Variants in MUC3A observed in about 807,000 individuals in gnomAD.
MUC3A encodes the protein mucin-3A.
In MUC3A, 109 loss-of-function variants were observed where a neutral mutation model predicts 109.0. The observed-to-expected ratio is 1.00, with a 90% CI of 0.86 to 1.17. The LOEUF is 1.17. MUC3A is among the 50% of genes most tolerant of loss of function. The pLI, the probability that MUC3A is intolerant of heterozygous loss-of-function variation, is 0.00. For missense variants in MUC3A, 3,537 were observed against 2,469.4 expected, an observed-to-expected ratio of 1.43 and a Z score of -9.16; for synonymous variants, 1,398 against 981.4, an observed-to-expected ratio of 1.42 and a Z score of -7.93.
In MUC3A at chr7:100,952,554, A is replaced by G. The variant is rs1400659924; in HGVS notation, c.775A>G (p.Ile259Val). The change falls in exon 2 of 12, where the codon ATC (isoleucine) becomes GTC (valine). Residue 259 changes from isoleucine to valine, a missense_variant. Physicochemically the swap from Ile to Val is conservative, Grantham distance 29 (BLOSUM62 3). Coordinates refer to ENST00000379458, the MANE Select transcript of MUC3A (RefSeq NM_005960.2). ...LKTAVTSTSP[I>V]TSSITSTNTV... Reference sequence around the variant, plus strand: ...AACAGCAGTGACTTCCACTTCCCCCATCACTTCTTCAATCACTTCCACAAA... The same window carrying G: ...AACAGCAGTGACTTCCACTTCCCCCGTCACTTCTTCAATCACTTCCACAAA... The G allele has an allele frequency of 3.8e-6, 6 of 1,598,448 alleles. No individual in the cohort carries two copies. The highest frequency in any genetic ancestry group is 5.1e-6 in the Non-Finnish European group (6 of 1,179,742).
At position 100,960,125 on chromosome 7, in the gene MUC3A, C is replaced by G; in HGVS notation, c.8346C>G (p.Pro2782=). The change falls in exon 2 of 12, where the codon CCC becomes CCG. Residue 2782 remains proline, a synonymous_variant. Coordinates refer to ENST00000379458, the MANE Select transcript of MUC3A (RefSeq NM_005960.2). ...CAATTACCATAGTCCCTGCCTCCCC[C>G]ACTGATCCATGTGTTGAAATGGATC... is the stretch of plus-strand genomic sequence containing the variant. ...TITITIVPAS[P]TDPCVEMDPS... is the part of the protein sequence containing the mutation. 7.1e-6 allele frequency: 11 copies of G among 1,546,536 alleles called. No homozygotes were observed. In the South Asian group the frequency reaches 1.4e-4, roughly 19 times the overall value.
rs1792085239 is a variant in MUC3A, at chr7:100,955,958, C to T, written c.4179C>T (p.Pro1393=). 5.6e-6 allele frequency: 3 copies of T among 534,598 alleles called. No individual in the cohort carries two copies. The highest frequency in any genetic ancestry group is 6.6e-6 in the Non-Finnish European group (2 of 301,464). 33.1% of individuals were successfully genotyped at this position (534,598 alleles called of 1,614,324 possible). A position where few individuals can be genotyped will look rare whatever the true frequency, so the allele number is the denominator to read the frequency against. Reference sequence around the variant, plus strand: ...CCCCCATCACTTCTTCAATCACTCCCACCGATACAATGACTTCTATGAGAA... The same window carrying T: ...CCCCCATCACTTCTTCAATCACTCCTACCGATACAATGACTTCTATGAGAA... ...STPPITSSIT[P]TDTMTSMRTT... is the part of the protein sequence containing the mutation. The change falls in exon 2 of 12, where the codon CCC becomes CCT. Residue 1393 remains proline (P), a synonymous_variant. Transcript: ENST00000379458.
chr7:100,965,593 C>G, intron 7 of MUC3A, 111 bp from the exon 8 acceptor site: 2 of 1,513,650 alleles, frequency 1.3e-6, no homozygotes, highest in Non-Finnish European at 1.8e-6. Flanking sequence ...CCACAGCATC[C>G]CACCTCGGAA....
rs968687622 is a variant in MUC3A at position 100,965,835 on chromosome 7, T to C, written c.9580T>C (p.Cys3194Arg). The C allele has an allele frequency of 1.3e-6, 2 of 1,597,040 alleles. No homozygotes were observed. Among genetic ancestry groups the C allele is most frequent in the Non-Finnish European group, 1.7e-6 (2 of 1,178,832 alleles). The change falls in exon 8 of 12, where the codon TGC becomes CGC. Residue 3194 changes from cysteine to arginine, a missense_variant. By Grantham distance (180) the Cys-to-Arg change is radical. Coordinates refer to ENST00000379458, the MANE Select transcript of MUC3A (RefSeq NM_005960.2). Reference protein sequence around the residue: ...DNAIDCHQGQCVLETSGPTCR... With the variant: ...DNAIDCHQGQRVLETSGPTCR... ...CGCCATCGACTGTCACCAGGGCCAG[T>C]GCGTTCTGGAGACGAGCGGTCCCAC...
In MUC3A at chr7:100,956,439, G is replaced by T; in HGVS notation, c.4660G>T (p.Gly1554Cys). Residue 1554 changes from glycine (G) to cysteine (C), a missense_variant, in exon 2 of 12, where the codon GGT becomes TGT. Transcript: ENST00000379458. ...TAITSVPTTL[G>C]TMVTSTSMIP... is the part of the protein sequence containing the mutation. ...CATCACCTCAGTTCCCACTACCTTG[G>T]GTACCATGGTGACTTCTACATCCAT... The T allele has an allele frequency of 1.6e-6, 1 of 635,090 alleles. No homozygotes were observed. The highest frequency in any genetic ancestry group is 2.8e-6 in the Non-Finnish European group (1 of 356,828). 39.3% of individuals were successfully genotyped at this position (635,090 alleles called of 1,614,324 possible).
rs1299598339 is a variant in MUC3A, at chr7:100,957,269, C to A, written c.5490C>A (p.Asp1830Glu). The A allele has an allele frequency of 7.6e-6, 4 of 528,598 alleles. No individual in the cohort carries two copies. The highest frequency in any genetic ancestry group is 1.3e-5 in the Non-Finnish European group (4 of 302,956). 32.7% of individuals were successfully genotyped at this position (528,598 alleles called of 1,614,324 possible). ...TGGTGACCACATTCTCCAATTCCGA[C>A]ACCAGTTCTACACCTACATCTGAGA... is the stretch of plus-strand genomic sequence containing the variant. Reference protein sequence around the residue: ...STLVTTFSNSDTSSTPTSETT... With the variant: ...STLVTTFSNSETSSTPTSETT... The change falls in exon 2 of 12, where the codon GAC (aspartate) becomes GAA (glutamate). Residue 1830 changes from aspartate (D) to glutamate (E), a missense_variant. Physicochemically the swap from Asp to Glu is conservative, Grantham distance 45 (BLOSUM62 2). Coordinates refer to ENST00000379458, the MANE Select transcript of MUC3A (RefSeq NM_005960.2).
In MUC3A at chr7:100,954,047, A is replaced by C; in HGVS notation, c.2268A>C (p.Lys756Asn). The C allele has an allele frequency of 4.0e-6, 2 of 496,394 alleles. No individual in the cohort carries two copies. Among genetic ancestry groups the C allele is most frequent in the South Asian group, 4.6e-5 (1 of 21,858 alleles). 30.7% of individuals were successfully genotyped at this position (496,394 alleles called of 1,614,324 possible). The stretch of plus-strand genomic sequence containing the variant: ...TGGTCTCAACTGCAAAAACAGCCAA[A>C]ACTCCTACCACAAACTTGGTAACCA... Reference protein sequence around the residue: ...SPLVSTAKTAKTPTTNLVTTT... With the variant: ...SPLVSTAKTANTPTTNLVTTT... The change falls in exon 2 of 12, where the codon AAA (lysine) becomes AAC (asparagine). Residue 756 changes from lysine (K) to asparagine (N), a missense_variant. By Grantham distance (94) the Lys-to-Asn change is moderately conservative (BLOSUM62 0). Transcript: ENST00000379458.
intron 8 of MUC3A, 143 bp from the exon 9 acceptor site, chr7:100,966,243 A>AGGCCCGTCCGCTTG (rs1792545612): frequency 7.0e-6 from 6 of 860,684 alleles, no homozygotes; most frequent in Non-Finnish European, 9.2e-6. Flanking sequence ...TCTAGGGTGG[A>AGGCCCGTCCGCTTG]TTCCCAGCCC....
chr7:100,964,857 G>A lies in MUC3A; in HGVS notation c.9382+14G>A, dbSNP rs778100179. ...AGGACTCCCAGAGTGAGCCCAGGCT[G>A]GAGGGAGGGGCCAGGGCCTGAGGTG... On this transcript the variant is annotated intron_variant, in intron 6 of 11. Transcript: ENST00000379458. 5 of 1,592,706 alleles carry A rather than the reference G, an allele frequency of 3.1e-6. No individual in the cohort carries two copies. The South Asian group carries it at 3.3e-5, about 11-fold the overall frequency.
intron 5 of MUC3A, 33 bp from the exon 6 acceptor site, chr7:100,964,662 C>A (rs1397838921): frequency 6.3e-6 from 10 of 1,579,340 alleles, no homozygotes; most frequent in Non-Finnish European, 8.6e-6. Flanking sequence ...ATGTTCCTGG[C>A]TGGGGCACTC....
At position 100,959,120 on chromosome 7, in the gene MUC3A, C is replaced by T. The variant is rs756044064; in HGVS notation, c.7341C>T (p.Thr2447=). ...GTACTCCCAGCCTCAGTTCTTCAACCATCTACTCCACAGTCAGCACATCCA... is the reference window on the plus strand; with the variant it reads ...GTACTCCCAGCCTCAGTTCTTCAACTATCTACTCCACAGTCAGCACATCCA... ...SESTPSLSSS[T]IYSTVSTSTT... is the part of the protein sequence containing the mutation. The change falls in exon 2 of 12, where the codon ACC becomes ACT. Residue 2447 remains threonine, a synonymous_variant. Coordinates refer to ENST00000379458, the MANE Select transcript of MUC3A (RefSeq NM_005960.2). The T allele has an allele frequency of 6.3e-7, 1 of 1,586,870 alleles. No homozygotes were observed. The highest frequency in any genetic ancestry group is 1.1e-5 in the South Asian group (1 of 90,220).
intron 5 of MUC3A, chr7:100,964,099 G>T: frequency 2.1e-6 from 1 of 468,746 alleles, no homozygotes; most frequent in Non-Finnish European, 3.9e-6. Context: ...GGGAGAGAAC[G>T]CACGTCTAGG....
Position 100,955,268 on chromosome 7 carries a change from C to T in MUC3A, c.3489C>T (p.Val1163=). 1.3e-6 allele frequency: 1 copy of T among 764,666 alleles called. No individual in the cohort carries two copies. Among genetic ancestry groups the T allele is most frequent in the Non-Finnish European group, 2.4e-6 (1 of 417,746 alleles). 47.4% of individuals were successfully genotyped at this position (764,666 alleles called of 1,614,324 possible). ...SFTSSTIYST[V]STSTTAISSA... is the part of the protein sequence containing the mutation. ...CTTCTTCAACCATCTACTCCACAGT[C>T]AGCACATCCACAACTGCCATCTCCT... The change falls in exon 2 of 12, where the codon GTC becomes GTT. Residue 1163 remains valine (V), a synonymous_variant. Transcript: ENST00000379458.
rs749410668 is a variant in MUC3A, at chr7:100,958,953, C to G, written c.7174C>G (p.Leu2392Val). 4 of 1,229,944 alleles carry G rather than the reference C, an allele frequency of 3.3e-6. No individual in the cohort carries two copies. Among genetic ancestry groups the G allele is most frequent in the South Asian group, 1.8e-5 (1 of 55,548 alleles). The allele number at this position is 1,229,944 out of a possible 1,614,324, so 76.2% of individuals were successfully genotyped here. Residue 2392 changes from leucine (L) to valine (V), a missense_variant, in exon 2 of 12, where the codon CTC becomes GTC. Leu to Val is a conservative substitution (Grantham distance 32, BLOSUM62 1). Coordinates refer to ENST00000379458, the MANE Select transcript of MUC3A (RefSeq NM_005960.2). ...GACCCCCTTACACAGTACTCCTGGCCTCACTTCGTGGGTCACCACCACCAA... is the reference window on the plus strand; with the variant it reads ...GACCCCCTTACACAGTACTCCTGGCGTCACTTCGTGGGTCACCACCACCAA... ...TETPLHSTPG[L>V]TSWVTTTKTT... is the part of the protein sequence containing the mutation.
In MUC3A at chr7:100,959,646, A is replaced by G. The variant is rs773272432; in HGVS notation, c.7867A>G (p.Ile2623Val). Residue 2623 changes from isoleucine (I) to valine (V), a missense_variant, in exon 2 of 12, where the codon ATC becomes GTC. Coordinates refer to ENST00000379458, the MANE Select transcript of MUC3A (RefSeq NM_005960.2). ...TLTPSTALST[I>V]VSTSQVPIPS... is the part of the protein sequence containing the mutation. ...TACTCCATCAACAGCCTTGAGCACG[A>G]TCGTGTCAACATCACAGGTTCCTAT... is the stretch of plus-strand genomic sequence containing the variant. The G allele has an allele frequency of 6.3e-7, 1 of 1,598,528 alleles. No individual in the cohort carries two copies. Among genetic ancestry groups the G allele is most frequent in the South Asian group, 1.1e-5 (1 of 91,090 alleles).
chr7:100,965,797 C>G lies in MUC3A; in HGVS notation c.9542C>G (p.Ser3181Trp), dbSNP rs587639315. The G allele has an allele frequency of 4.4e-6, 7 of 1,597,508 alleles. No homozygotes were observed. The Admixed American group carries it at 1.0e-4, about 23-fold the overall frequency. ...CTCCGCTGTGTCACCAAATGCACGT[C>G]GGGGGTGGACAACGCCATCGACTGT... The part of the protein sequence containing the change: ...TRLRCVTKCT[S>W]GVDNAIDCHQ... The change falls in exon 8 of 12, where the codon TCG becomes TGG. Residue 3181 changes from serine (S) to tryptophan (W), a missense_variant. Transcript: ENST00000379458.
rs1220758781 is a variant in MUC3A, at chr7:100,960,427, T to C, written c.8648T>C (p.Leu2883Pro). The C allele has an allele frequency of 6.3e-7, 1 of 1,598,578 alleles. No individual in the cohort carries two copies. Among genetic ancestry groups the C allele is most frequent in the African/African-American group, 1.3e-5 (1 of 75,086 alleles). Reference protein sequence around the residue: ...LSNSSVIPLPLPGVSTIPLTM... With the variant: ...LSNSSVIPLPPPGVSTIPLTM... ...AACAGTTCTGTGATCCCCCTACCTC[T>C]TCCTGGCGTCTCTACCATCCCGCTC... Residue 2883 changes from leucine (L) to proline (P), a missense_variant, in exon 2 of 12, where the codon CTT becomes CCT. Leu to Pro is a moderately conservative substitution (Grantham distance 98). Coordinates refer to ENST00000379458, the MANE Select transcript of MUC3A (RefSeq NM_005960.2).
chr7:100,959,456 G>A lies in MUC3A; in HGVS notation c.7677G>A (p.Glu2559=). The change falls in exon 2 of 12, where the codon GAG becomes GAA. Residue 2559 remains glutamate, a synonymous_variant. Coordinates refer to ENST00000379458, the MANE Select transcript of MUC3A (RefSeq NM_005960.2). The part of the protein sequence containing the change: ...STVRMTLRIT[E]NTPISSFSTS... The stretch of plus-strand genomic sequence containing the variant: ...TGAGAATGACCCTCAGAATTACTGA[G>A]AACACCCCAATCAGTTCCTTTAGCA... 6.4e-7 allele frequency: 1 copy of A among 1,564,470 alleles called. No individual in the cohort carries two copies. Among genetic ancestry groups the A allele is most frequent in the Non-Finnish European group, 8.6e-7 (1 of 1,165,430 alleles).
At position 100,952,774 on chromosome 7, in the gene MUC3A, C is replaced by T. The variant is rs1006875289; in HGVS notation, c.995C>T (p.Ser332Phe). The T allele has an allele frequency of 1.3e-6, 2 of 1,561,798 alleles. No homozygotes were observed. Among genetic ancestry groups the T allele is most frequent in the African/African-American group, 1.4e-5 (1 of 73,772 alleles). ...ACCATCAGCAGGTCTACACCTACAT[C>T]TGAGACCACCTACACTACTTCTCCC... is the stretch of plus-strand genomic sequence containing the variant. ...PTTISRSTPTSETTYTTSPTS... is the reference protein window; with the variant it reads ...PTTISRSTPTFETTYTTSPTS... Residue 332 changes from serine to phenylalanine, a missense_variant, in exon 2 of 12, where the codon TCT (serine) becomes TTT (phenylalanine). By Grantham distance (155) the Ser-to-Phe change is radical. Transcript: ENST00000379458.
Sources: gnomAD v4.1 joint callset for allele counts on GRCh38, gnomAD v4.1.1 for gene constraint, MANE v1.5 for transcripts, NCBI Gene and HGNC (gene_info 2026-07-23, HGNC 2026-07-21) for gene names.